Variants in DYRK1A observed in about 807,000 individuals in gnomAD.
The protein encoded by DYRK1A is dual specificity tyrosine phosphorylation regulated kinase 1A, also known as dual specificity tyrosine-phosphorylation-regulated kinase 1A.
Under a neutral mutation model 79.7 loss-of-function variants are expected in DYRK1A, and 9 were observed. The observed-to-expected ratio is 0.11, with a 90% CI of 0.07 to 0.20. DYRK1A has a LOEUF of 0.20. Among genes scored for constraint, DYRK1A ranks in the 10% least tolerant of loss-of-function variants. DYRK1A has a pLI of 1.00. For missense variants in DYRK1A, 622 were observed against 956.0 expected (o/e 0.65, Z 4.61); for synonymous variants, 349 against 329.7 (o/e 1.06, Z -0.63).
chr21:37,414,321 T>A (rs1156315121), intron 1 of DYRK1A, among the ~76,000 whole-genome samples: 1 of 152,050 alleles, frequency 6.6e-6, no homozygotes, highest in Non-Finnish European at 1.5e-5. Context: ...TAGTAGTCAG[T>A]TTGCTTGGAT....
chr21:37,455,019 C>CTTTTT (rs72223324), intron 2 of DYRK1A, among the ~76,000 whole-genome samples: 7 of 116,822 alleles, frequency 6.0e-5, no homozygotes, highest in African/African-American at 1.7e-4. Flanking sequence ...GGGTGGTCAC[C>CTTTTT]TTTTTTTTTT....
chr21:37,492,029 A>G (rs143124060), intron 7 of DYRK1A, among the ~76,000 whole-genome samples: 95 of 152,300 alleles, frequency 6.2e-4, no homozygotes, highest in African/African-American at 1.9e-3. Context: ...TTAGATAGGG[A>G]GGTGACAAAG....
At chr21:37,468,140 C>G (rs978669140) in intron 2 of DYRK1A, among the ~76,000 whole-genome samples, 5 of 151,982 alleles carry the variant, frequency 3.3e-5, no homozygotes, top group East Asian at 1.9e-4. Flanking sequence ...GAGGTAAGGT[C>G]TCTGTTACCC....
At chr21:37,509,451 T>A (rs2053691489) in intron 11 of DYRK1A, among the ~76,000 whole-genome samples, 1 of 152,380 alleles carries the variant, frequency 6.6e-6, no homozygotes, top group Admixed American at 6.5e-5. Context: ...TATTCATTTT[T>A]AAATTTATTT....
intron 8 of DYRK1A, among the ~76,000 whole-genome samples, chr21:37,493,573 T>C (rs1186166788): frequency 6.6e-6 from 1 of 152,166 alleles, no homozygotes; most frequent in Non-Finnish European, 1.5e-5. Context: ...GTCTGAATAA[T>C]GTAGAGTAAA....
intron 9 of DYRK1A, among the ~76,000 whole-genome samples, chr21:37,499,085 G>A (rs1229114196): frequency 6.6e-6 from 1 of 151,860 alleles, no homozygotes; most frequent in East Asian, 1.9e-4. Flanking sequence ...TCTTAATATG[G>A]TATCTTTTGA....
intron 1 of DYRK1A, among the ~76,000 whole-genome samples, chr21:37,417,529 C>CTTTTTCTTTTTTTTTTTTTTTTTT (rs1555959239): frequency 2.3e-5 from 1 of 44,048 alleles, no homozygotes; most frequent in Non-Finnish European, 3.9e-5. Flanking sequence ...TTTTCTTTTT[C>CTTTTTCTTTTTTTTTTTTTTTTTT]TTTTTTTTTT....
chr21:37,450,503 C>G (rs1224891185), intron 2 of DYRK1A, among the ~76,000 whole-genome samples: 1 of 152,198 alleles, frequency 6.6e-6, no homozygotes, highest in African/African-American at 2.4e-5. Context: ...TTTACTCACT[C>G]ATTGAATAAA....
At chr21:37,458,896 C>A (rs1327147333) in intron 2 of DYRK1A, among the ~76,000 whole-genome samples, 2 of 152,100 alleles carry the variant, frequency 1.3e-5, no homozygotes, top group African/African-American at 2.4e-5. Context: ...ATGCCTCTGA[C>A]CTGGGAGGAA....
At chr21:37,463,203 C>CGTGTGTGT (rs6147501) in intron 2 of DYRK1A, among the ~76,000 whole-genome samples, 6,193 of 145,302 alleles carry the variant, frequency 0.043, 195 homozygotes, top group African/African-American at 0.086. Flanking sequence ...AATGTTGGCA[C>CGTGTGTGT]GTGTGTGTGT....
Position 37,465,921 on chromosome 21 carries a change from C to A in DYRK1A, c.11-6763C>A, listed in dbSNP as rs547856457. ...AAAAGATTGAAAAACAATTTGCAGG[C>A]ACATTAAAGTCCAAGAAGTGCTGTT... On this transcript the variant is annotated intron_variant, in intron 2 of 11. Coordinates refer to ENST00000647188, the MANE Select transcript of DYRK1A (RefSeq NM_001347721.2). Among the ~76,000 whole-genome samples the A allele has an allele frequency of 3.9e-5, 6 of 152,262 alleles. No homozygotes were observed. The East Asian group carries it at 1.2e-3, about 29-fold the overall frequency.
At chr21:37,459,716 C>T (rs1305830437) in intron 2 of DYRK1A, among the ~76,000 whole-genome samples, 2 of 152,204 alleles carry the variant, frequency 1.3e-5, no homozygotes, top group Non-Finnish European at 2.9e-5. Context: ...GACAGGGCTG[C>T]TTCAGCAGCT....
chr21:37,416,219 A>G (rs1332628880), intron 1 of DYRK1A, among the ~76,000 whole-genome samples: 1 of 152,126 alleles, frequency 6.6e-6, no homozygotes, highest in African/African-American at 2.4e-5. Context: ...AGTGGTTGGC[A>G]CATAGATAGT....
Position 37,464,153 on chromosome 21 carries a change from TA to T in DYRK1A, c.11-8530del, listed in dbSNP as rs150128326. On this transcript the variant is annotated intron_variant, in intron 2 of 11. Transcript: ENST00000647188. ...ATTTTTACTTTTTTGTTTTTAAACT[TA>T]GGGTCTTTTCTCATGCTTTTTGTAT... 1,647 of 275,312 alleles carry T rather than the reference TA, an allele frequency of 6.0e-3. 24 individuals carry two copies. The highest frequency in any genetic ancestry group is 0.034 in the African/African-American group (1,488 of 43,872). The allele number at this position is 275,312 out of a possible 1,614,324, so 17.1% of individuals were successfully genotyped here.
chr21:37,476,404 C>G (rs931798981), intron 3 of DYRK1A, among the ~76,000 whole-genome samples: 2 of 152,190 alleles, frequency 1.3e-5, no homozygotes, highest in African/African-American at 2.4e-5. Context: ...GTTGACTCTA[C>G]CAATGACTTA....
chr21:37,372,381 G>A (rs1158746085), intron 1 of DYRK1A, among the ~76,000 whole-genome samples: 1 of 151,964 alleles, frequency 6.6e-6, no homozygotes, highest in Non-Finnish European at 1.5e-5. Flanking sequence ...CTGGGAGGTG[G>A]GGGGTTGCAG....
At chr21:37,373,768 G>A in intron 1 of DYRK1A, among the ~76,000 whole-genome samples, 1 of 152,322 alleles carries the variant, frequency 6.6e-6, no homozygotes, top group South Asian at 2.1e-4. Flanking sequence ...TAGATACAAA[G>A]GAGTCTGGGA....
At chr21:37,432,194 T>C (rs2050794494) in intron 2 of DYRK1A, among the ~76,000 whole-genome samples, 1 of 152,152 alleles carries the variant, frequency 6.6e-6, no homozygotes, top group Non-Finnish European at 1.5e-5. Flanking sequence ...GCCTTTTTTT[T>C]TGTTCTGGGA....
At chr21:37,505,997 G>T in intron 10 of DYRK1A, 102 bp from the exon 11 acceptor site, 1 of 1,335,034 alleles carries the variant, frequency 7.5e-7, no homozygotes. Context: ...GTATGTGTGT[G>T]TGTGAGTACT....
Sources: allele counts gnomAD v4.1 joint callset (sites outside exome capture counted in the v4.1 genomes callset), GRCh38; gene constraint gnomAD v4.1.1; transcripts MANE v1.5; gene names NCBI Gene and HGNC (gene_info 2026-07-23, HGNC 2026-07-21).